TBC1D32: variants seen among roughly 807,000 people sequenced by gnomAD.
The protein encoded by TBC1D32 is TBC1 domain family member 32, also known as protein broad-minded.
TBC1D32 carries 151 observed loss-of-function variants against 170.3 expected under a neutral mutation model. The ratio of observed to expected loss-of-function variants is 0.89; its 90% confidence interval spans 0.78 to 1.01. TBC1D32 has a LOEUF of 1.01. Among genes scored for constraint, TBC1D32 ranks in the 50% least tolerant of loss-of-function variants. The pLI is 0.00. For missense variants in TBC1D32, 1,464 were observed against 1,457.1 expected (o/e 1.00, Z -0.08); for synonymous variants, 498 against 488.0 (o/e 1.02, Z -0.27).
intron 20 of TBC1D32, among the ~76,000 whole-genome samples, chr6:121,231,553 TC>T (rs1795740427): frequency 6.6e-6 from 1 of 152,156 alleles, no homozygotes; most frequent in African/African-American, 2.4e-5. Flanking sequence ...GTAAAAGTGT[TC>T]CCTTTTCACT....
intron 31 of TBC1D32, among the ~76,000 whole-genome samples, chr6:121,085,819 G>A (rs181328389): frequency 5.9e-5 from 9 of 152,070 alleles, no homozygotes; most frequent in African/African-American, 1.9e-4. Flanking sequence ...AAACTCAGCT[G>A]AAGGGTACTT....
chr6:121,216,151 C>A (rs939674546), intron 21 of TBC1D32, among the ~76,000 whole-genome samples: 1 of 152,166 alleles, frequency 6.6e-6, no homozygotes, highest in Non-Finnish European at 1.5e-5. Flanking sequence ...CTGATGGGAA[C>A]CATCAAATCA....
At chr6:121,229,977 T>C (rs985342027) in intron 20 of TBC1D32, among the ~76,000 whole-genome samples, 12 of 152,170 alleles carry the variant, frequency 7.9e-5, no homozygotes, top group African/African-American at 2.9e-4. Flanking sequence ...CCATGTAAGA[T>C]GTGTGCCTTG....
At chr6:121,234,508 A>C (rs978105725) in intron 20 of TBC1D32, among the ~76,000 whole-genome samples, 1 of 151,970 alleles carries the variant, frequency 6.6e-6, no homozygotes, top group Non-Finnish European at 1.5e-5. Flanking sequence ...TCTATTACTG[A>C]GACTTTCCAG....
At chr6:121,218,704 T>C (rs1794127751) in intron 21 of TBC1D32, among the ~76,000 whole-genome samples, 3 of 152,146 alleles carry the variant, frequency 2.0e-5, no homozygotes, top group Admixed American at 2.0e-4. Context: ...TCCTATTAGT[T>C]CTGTCCCTCT....
intron 1 of TBC1D32, among the ~76,000 whole-genome samples, chr6:121,329,508 C>T (rs1348945524): frequency 6.6e-6 from 1 of 152,010 alleles, no homozygotes; most frequent in African/African-American, 2.4e-5. Flanking sequence ...AAAAATTAGC[C>T]AGGCGTGGTG....
At chr6:121,154,240 G>A (rs1208324646) in intron 24 of TBC1D32, among the ~76,000 whole-genome samples, 1 of 152,058 alleles carries the variant, frequency 6.6e-6, no homozygotes, top group African/African-American at 2.4e-5. Context: ...CCTTGGCTAG[G>A]GGAGGGAGTT....
rs754817760 is a variant in TBC1D32 at position 121,317,685 on chromosome 6, G to A, written c.318-13C>T. The stretch of plus-strand genomic sequence containing the variant: ...CATTTCTTTGTACCTTTAAATTCAA[G>A]GTAGTCTTAATAAGAGAAAGACGAT... On this transcript the variant is annotated splice_polypyrimidine_tract_variant and intron_variant, in intron 2 of 31. Coordinates refer to ENST00000398212, the MANE Select transcript of TBC1D32 (RefSeq NM_152730.6). 2.1e-5 allele frequency: 32 copies of A among 1,544,256 alleles called. No individual in the cohort carries two copies. The highest frequency in any genetic ancestry group is 6.3e-5 in the South Asian group (5 of 79,414).
chr6:121,306,717 T>C lies in TBC1D32; in HGVS notation c.690+1259A>G, dbSNP rs185958434. On this transcript the variant is annotated intron_variant, in intron 5 of 31. Transcript: ENST00000398212. ...ACTACCTGTAGAATTACTGCACTTG[T>C]TAATGTAAAGCTTACTTTTCATCAT... Among the ~76,000 whole-genome samples, 432 of 152,318 alleles carry C rather than the reference T, an allele frequency of 2.8e-3. 3 individuals carry two copies. The highest frequency in any genetic ancestry group is 9.9e-3 in the African/African-American group (411 of 41,582).
intron 15 of TBC1D32, among the ~76,000 whole-genome samples, chr6:121,260,620 G>A (rs538868895): frequency 6.6e-6 from 1 of 152,336 alleles, no homozygotes; most frequent in East Asian, 1.9e-4. Context: ...CTGGGAAGCT[G>A]TGCTTTTCCA....
intron 24 of TBC1D32, among the ~76,000 whole-genome samples, chr6:121,157,315 T>C (rs1296785944): frequency 4.6e-5 from 7 of 152,168 alleles, no homozygotes; most frequent in Admixed American, 6.6e-5. Flanking sequence ...TTTTATCTGA[T>C]ACAAGAACTG....
chr6:121,114,558 G>A (rs1212265772), intron 27 of TBC1D32, among the ~76,000 whole-genome samples: 1 of 152,056 alleles, frequency 6.6e-6, no homozygotes, highest in East Asian at 1.9e-4. Flanking sequence ...TCATCATGCT[G>A]TGAATTTATA....
At chr6:121,313,096 A>C (rs1808441433) in intron 3 of TBC1D32, among the ~76,000 whole-genome samples, 1 of 147,638 alleles carries the variant, frequency 6.8e-6, no homozygotes, top group African/African-American at 2.5e-5. Flanking sequence ...TGCCATGCCA[A>C]GCTAAGGTGG....
At chr6:121,205,268 C>A in intron 21 of TBC1D32, 105 bp from the exon 22 acceptor site, 1 of 525,556 alleles carries the variant, frequency 1.9e-6, no homozygotes, top group Non-Finnish European at 3.4e-6. Flanking sequence ...TTTGCCTTTA[C>A]AAGGAAATCA....
intron 17 of TBC1D32, among the ~76,000 whole-genome samples, chr6:121,251,027 A>G (rs9387937): frequency 0.16 from 24,510 of 148,742 alleles, 2,664 homozygotes; most frequent in East Asian, 0.52. Context: ...TACAAAGGAC[A>G]TGAAGGACCT....
At chr6:121,233,995 T>G (rs1315728364) in intron 20 of TBC1D32, among the ~76,000 whole-genome samples, 1 of 152,166 alleles carries the variant, frequency 6.6e-6, no homozygotes, top group Non-Finnish European at 1.5e-5. Context: ...GGATAAAAAA[T>G]TCTGGCTGAT....
At chr6:121,113,671 A>G (rs1779418044) in intron 27 of TBC1D32, among the ~76,000 whole-genome samples, 1 of 152,168 alleles carries the variant, frequency 6.6e-6, no homozygotes, top group African/African-American at 2.4e-5. Flanking sequence ...CCTGAACAGC[A>G]ACTTGCAAAT....
chr6:121,286,332 G>A (rs1039352330), intron 12 of TBC1D32, among the ~76,000 whole-genome samples: 34 of 152,254 alleles, frequency 2.2e-4, no homozygotes, highest in South Asian at 1.7e-3. Context: ...CGAGAACTAC[G>A]TGACGAATGC....
intron 21 of TBC1D32, among the ~76,000 whole-genome samples, chr6:121,220,069 T>C (rs1272815808): frequency 6.6e-6 from 1 of 152,168 alleles, no homozygotes; most frequent in African/African-American, 2.4e-5. Flanking sequence ...CACAACAATA[T>C]TAAGATTAGC....
Sources: gnomAD v4.1 joint callset for allele counts (sites outside exome capture counted in the v4.1 genomes callset) on GRCh38, gnomAD v4.1.1 for gene constraint, MANE v1.5 for transcripts, NCBI Gene and HGNC (gene_info 2026-07-23, HGNC 2026-07-21) for gene names.